The following DMD variants were observed in gnomAD, a reference collection of about 807,000 sequenced individuals.
DMD encodes the protein dystrophin, also known as mutant dystrophin.
Under a neutral mutation model 330.1 loss-of-function variants are expected in DMD, and 63 were observed. That is an observed-to-expected ratio of 0.19 (90% CI 0.16 to 0.24). DMD has a LOEUF of 0.24. Ranked by LOEUF, DMD falls within the 10% of genes least tolerant of loss-of-function variation. The pLI is 1.00. For synonymous variants in DMD, 1,223 were observed against 959.8 expected (o/e 1.27, Z -5.07); for missense variants, 3,344 against 2,684.1 (o/e 1.25, Z -5.43).
At chrX:31,441,368 T>A (rs2064943659) in intron 60 of DMD, among the ~76,000 whole-genome samples, 1 of 111,224 alleles carries the variant, frequency 9.0e-6, no homozygotes, top group African/African-American at 3.3e-5. Context: ...AGGTAAGTTT[T>A]GTATTTTTAG....
Position 32,610,183 on chromosome X carries a change from G to A in DMD, c.1482+4120C>T, listed in dbSNP as rs2057054719. On this transcript the variant is annotated intron_variant, in intron 12 of 78. Coordinates refer to ENST00000357033, the MANE Select transcript of DMD (RefSeq NM_004006.3). ...TATATTTTTTCACAGGGGAATGAGAGGTTCGATTTGTTTACTCCCCAGAAA... is the reference window on the plus strand; with the variant it reads ...TATATTTTTTCACAGGGGAATGAGAAGTTCGATTTGTTTACTCCCCAGAAA... 1.8e-5 allele frequency among the ~76,000 whole-genome samples: 2 copies of A among 110,830 alleles called. 1 individual carries two copies. The highest frequency in any genetic ancestry group is 1.9e-4 in the Admixed American group (2 of 10,381).
chrX:33,151,277 A>G (rs1194873789), intron 1 of DMD, among the ~76,000 whole-genome samples: 1 of 112,519 alleles, frequency 8.9e-6, no homozygotes, highest in African/African-American at 3.2e-5. Flanking sequence ...TGCCAGAGTC[A>G]GGTAGTATAA....
chrX:32,337,313 TG>T (rs1348878026), intron 41 of DMD, among the ~76,000 whole-genome samples: 3 of 109,374 alleles, frequency 2.7e-5, no homozygotes, highest in Non-Finnish European at 3.8e-5. Context: ...TTAACGTAGA[TG>T]GGGGGTGGAT....
intron 52 of DMD, among the ~76,000 whole-genome samples, chrX:31,705,599 A>G (rs990307753): frequency 3.6e-5 from 4 of 112,671 alleles, no homozygotes; most frequent in African/African-American, 1.3e-4. Context: ...GTTGGGAAAT[A>G]TTACTTGCTT....
chrX:32,632,372 G>C (rs1661277352), intron 11 of DMD, among the ~76,000 whole-genome samples: 1 of 111,595 alleles, frequency 9.0e-6, no homozygotes, highest in Non-Finnish European at 1.9e-5. Flanking sequence ...CCAGATACAA[G>C]GGTCAAGCTG....
intron 21 of DMD, among the ~76,000 whole-genome samples, chrX:32,475,527 C>T (rs1191334690): frequency 9.0e-6 from 1 of 111,726 alleles, no homozygotes; most frequent in Admixed American, 9.6e-5. Flanking sequence ...TCTATGATTT[C>T]TTTCAGCAGT....
chrX:32,496,724 C>T (rs889083890), intron 19 of DMD, among the ~76,000 whole-genome samples: 1 of 112,877 alleles, frequency 8.9e-6, no homozygotes, highest in East Asian at 2.8e-4. Context: ...CCCACAGAGG[C>T]TCTTCCTTTT....
chrX:33,233,719 T>A (rs2052428165), intron 1 of DMD, among the ~76,000 whole-genome samples: 1 of 111,519 alleles, frequency 9.0e-6, no homozygotes, highest in Non-Finnish European at 1.9e-5. Context: ...TCATGTAACA[T>A]CCGTATTTTG....
intron 55 of DMD, among the ~76,000 whole-genome samples, chrX:31,530,647 C>CTTTTTTTTTTTTTTTTTTTTTTAGTTT (rs2073684904): frequency 2.0e-5 from 1 of 49,845 alleles, no homozygotes; most frequent in Non-Finnish European, 3.6e-5. Flanking sequence ...ACTGGTTTCT[C>CTTTTTTTTTTTTTTTTTTTTTTAGTTT]TTTTTTTTTT....
intron 1 of DMD, among the ~76,000 whole-genome samples, chrX:33,097,480 T>C (rs2095181545): frequency 1.8e-5 from 2 of 111,219 alleles, no homozygotes; most frequent in African/African-American, 6.5e-5. Context: ...GTAGAATTAA[T>C]ACTGACAGTG....
intron 50 of DMD, among the ~76,000 whole-genome samples, chrX:31,793,844 T>C (rs1351165325): frequency 8.9e-6 from 1 of 112,149 alleles, no homozygotes; most frequent in Non-Finnish European, 1.9e-5. Context: ...TCTCAGGCCC[T>C]TGACAAAAGG....
intron 2 of DMD, among the ~76,000 whole-genome samples, chrX:32,880,992 CTGA>C (rs1273464680): frequency 2.7e-5 from 3 of 112,827 alleles, no homozygotes; most frequent in Non-Finnish European, 3.7e-5. Flanking sequence ...AACCTGTAAT[CTGA>C]TGATGATTGT....
chrX:32,786,381 C>A (rs751495259), intron 7 of DMD, among the ~76,000 whole-genome samples: 3 of 110,269 alleles, frequency 2.7e-5, no homozygotes, highest in Non-Finnish European at 5.7e-5. Context: ...CCTTTGCCAT[C>A]TAATTTTAGA....
Position 32,205,010 on chromosome X carries a change from T to TACACACACACACACAC in DMD, c.6438+11890_6438+11905dup, listed in dbSNP as rs57507348. 1.1e-4 allele frequency among the ~76,000 whole-genome samples: 6 copies of TACACACACACACACAC among 53,054 alleles called. 1 individual carries two copies. Among genetic ancestry groups the TACACACACACACACAC allele is most frequent in the Admixed American group, 5.4e-4 (2 of 3,720 alleles). 46.1% of individuals were successfully genotyped at this position (53,054 alleles called of 115,157 possible). A position where few individuals can be genotyped will look rare whatever the true frequency, so the allele number is the denominator to read the frequency against. On this transcript the variant is annotated intron_variant, in intron 44 of 78. Coordinates refer to ENST00000357033, the MANE Select transcript of DMD (RefSeq NM_004006.3). ...TCTCTCTCTCTCTCTCTCTCTCACA[T>TACACACACACACACAC]ACACACACACACACACACACACACA...
Position 32,348,826 on chromosome X carries a change from T to C in DMD, c.5326-298A>G, listed in dbSNP as rs200759847. Among the ~76,000 whole-genome samples the C allele has an allele frequency of 1.1e-4, 12 of 111,757 alleles. No individual in the cohort carries two copies. The East Asian group carries it at 3.1e-3, about 29-fold the overall frequency. ...ATTTGAATGGGCTAATTTTTAATAT[T>C]CTAAAGTCAAATTTGACCTTATTTT... is the stretch of plus-strand genomic sequence containing the variant. On this transcript the variant is annotated intron_variant, in intron 37 of 78. Coordinates refer to ENST00000357033, the MANE Select transcript of DMD (RefSeq NM_004006.3).
intron 52 of DMD, among the ~76,000 whole-genome samples, chrX:31,726,297 G>A (rs2086049467): frequency 1.8e-5 from 2 of 112,152 alleles, no homozygotes; most frequent in Admixed American, 1.9e-4. Context: ...GACATAAATA[G>A]CTTTGTACTG....
chrX:32,066,064 T>C (rs2096258122), intron 44 of DMD, among the ~76,000 whole-genome samples: 1 of 111,659 alleles, frequency 9.0e-6, no homozygotes, highest in Non-Finnish European at 1.9e-5. Flanking sequence ...TCTTGCCATG[T>C]CCCTCTTCAC....
chrX:33,120,857 G>T (rs754882368), intron 1 of DMD, among the ~76,000 whole-genome samples: 4 of 94,433 alleles, frequency 4.2e-5, no homozygotes, highest in African/African-American at 1.6e-4. Context: ...CTCCAGCCTG[G>T]GTGACAGAGC....
chrX:32,653,766 A>G lies in DMD; in HGVS notation c.961-8614T>C, dbSNP rs192656932. On this transcript the variant is annotated intron_variant, in intron 9 of 78. Transcript: ENST00000357033. ...CCTTGGGCAGTATGGCCATTTTCAC[A>G]ATATTGATTCTTCCTATCCATGAGC... Among the ~76,000 whole-genome samples, 1,105 of 111,614 alleles carry G rather than the reference A, an allele frequency of 9.9e-3. 19 individuals are homozygous for G. Among genetic ancestry groups the G allele is most frequent in the African/African-American group, 0.034 (1,038 of 30,740 alleles).
Sources: gnomAD v4.1 joint callset for allele counts (sites outside exome capture counted in the v4.1 genomes callset) on GRCh38, gnomAD v4.1.1 for gene constraint, MANE v1.5 for transcripts, NCBI Gene and HGNC (gene_info 2026-07-23, HGNC 2026-07-21) for gene names.